The following ELMO1 variants were observed in gnomAD, a reference collection of about 807,000 sequenced individuals.
ELMO1 encodes engulfment and cell motility 1.
In ELMO1, 26 loss-of-function variants were observed where a neutral mutation model predicts 98.9. The observed-to-expected ratio is 0.26, with a 90% CI of 0.19 to 0.36. ELMO1 has a LOEUF of 0.36. ELMO1 is among the 10% of genes least tolerant of loss of function. The pLI is 1.00. For synonymous variants in ELMO1, 346 were observed against 346.0 expected (o/e 1.00, Z 0.00); for missense variants, 627 against 935.2 (o/e 0.67, Z 4.30).
chr7:37,197,826 CCTATAA>C (rs753756347), intron 13 of ELMO1, among the ~76,000 whole-genome samples: 3 of 152,118 alleles, frequency 2.0e-5, no homozygotes, highest in Non-Finnish European at 4.4e-5. Flanking sequence ...GTGCTGGATG[CCTATAA>C]CTACCTTTCC....
chr7:36,920,960 GC>G (rs1271486546), intron 16 of ELMO1, among the ~76,000 whole-genome samples: 3 of 152,164 alleles, frequency 2.0e-5, no homozygotes, highest in African/African-American at 7.2e-5. Context: ...AAGAGGTGGA[GC>G]CTTTGAAGGG....
In ELMO1 at chr7:37,364,526, T is replaced by C. The variant is rs191070536; in HGVS notation, c.-73-21763A>G. Among the ~76,000 whole-genome samples the C allele has an allele frequency of 9.2e-5, 14 of 152,178 alleles. No individual in the cohort carries two copies. The East Asian group carries it at 2.7e-3, about 29-fold the overall frequency. On this transcript the variant is annotated intron_variant, in intron 1 of 21. Coordinates refer to ENST00000310758, the MANE Select transcript of ELMO1 (RefSeq NM_014800.11). ...ACTTGTTTTCAAAACCTTTAACACA[T>C]AGGAAAATAACTTGTAGGTTCTAGA...
rs561074971 is a variant in ELMO1, at chr7:37,014,610, GCTCT to G, written c.1301-1179_1301-1176del. Among the ~76,000 whole-genome samples, 15 of 152,078 alleles carry G rather than the reference GCTCT, an allele frequency of 9.9e-5. 1 individual carries two copies. The East Asian group carries it at 2.9e-3, about 29-fold the overall frequency. ...ACATGCATTAGCTATTTGTCCTAAT[GCTCT>G]CTATCCCCCAGTCCCCCCACTCCCC... On this transcript the variant is annotated intron_variant, in intron 15 of 21. Coordinates refer to ENST00000310758, the MANE Select transcript of ELMO1 (RefSeq NM_014800.11).
intron 13 of ELMO1, among the ~76,000 whole-genome samples, chr7:37,188,301 T>C (rs1791336966): frequency 1.3e-5 from 2 of 151,688 alleles, no homozygotes; most frequent in Admixed American, 6.6e-5. Flanking sequence ...TGATGAGATG[T>C]TTTTGCAGAA....
intron 1 of ELMO1, among the ~76,000 whole-genome samples, chr7:37,352,410 T>C (rs962668278): frequency 1.8e-4 from 27 of 152,228 alleles, no homozygotes; most frequent in Non-Finnish European, 3.8e-4. Context: ...CTCTACGCCG[T>C]TCTTTTCAAA....
chr7:37,076,171 C>T (rs1364115882), intron 15 of ELMO1, among the ~76,000 whole-genome samples: 2 of 152,148 alleles, frequency 1.3e-5, no homozygotes, highest in East Asian at 3.8e-4. Context: ...ATTTCGTTAC[C>T]CCCTGATGAG....
At chr7:37,271,779 CAGAAACGCAGAGCAAAGA>C (rs1334882130) in intron 5 of ELMO1, 35 bp downstream of exon 5, 2 of 1,577,976 alleles carry the variant, frequency 1.3e-6, no homozygotes, top group Admixed American at 3.5e-5. Flanking sequence ...TCACATATAG[CAGAAACGCAGAGCAAAGA>C]GTTTGCTGGA....
intron 4 of ELMO1, among the ~76,000 whole-genome samples, chr7:37,294,999 CA>C (rs58126730): frequency 0.083 from 10,749 of 129,502 alleles, 429 homozygotes; most frequent in South Asian, 0.15. Context: ...AACTCCGCCT[CA>C]AAAAAAAAAA....
intron 21 of ELMO1, among the ~76,000 whole-genome samples, chr7:36,859,995 T>C (rs1802491939): frequency 6.6e-6 from 1 of 152,212 alleles, no homozygotes. Flanking sequence ...ACAATGAGGA[T>C]GAAGACTTTT....
intron 1 of ELMO1, among the ~76,000 whole-genome samples, chr7:37,359,466 T>C (rs1435194601): frequency 6.6e-6 from 1 of 152,202 alleles, no homozygotes; most frequent in Non-Finnish European, 1.5e-5. Context: ...ATGACAGTAA[T>C]AGCCAACACA....
At chr7:37,114,503 G>A (rs1398867767) in intron 14 of ELMO1, among the ~76,000 whole-genome samples, 1 of 152,010 alleles carries the variant, frequency 6.6e-6, no homozygotes, top group Non-Finnish European at 1.5e-5. Flanking sequence ...TTAGTCACTG[G>A]GTTGCCTTAT....
At chr7:37,381,226 G>C (rs17171016) in intron 1 of ELMO1, among the ~76,000 whole-genome samples, 13,699 of 152,226 alleles carry the variant, frequency 0.09, 1,154 homozygotes, top group East Asian at 0.42. Context: ...TTACCCAGCT[G>C]CTGTAGAGTG....
At position 37,157,763 on chromosome 7, in the gene ELMO1, T is replaced by C. The variant is rs374123833; in HGVS notation, c.1087-24529A>G. Among the ~76,000 whole-genome samples the C allele has an allele frequency of 2.3e-3, 357 of 152,050 alleles. 1 individual carries two copies. Among genetic ancestry groups the C allele is most frequent in the East Asian group, 8.1e-3 (42 of 5,162 alleles). On this transcript the variant is annotated intron_variant, in intron 13 of 21. Transcript: ENST00000310758. ...TTTATAGATTCAATGCCATCCCCAT[T>C]AAGCTACCAATGACTTTCTTCACAG... is the stretch of plus-strand genomic sequence containing the variant.
At chr7:37,390,837 C>T (rs1803037586) in intron 1 of ELMO1, among the ~76,000 whole-genome samples, 1 of 152,200 alleles carries the variant, frequency 6.6e-6, no homozygotes, top group Non-Finnish European at 1.5e-5. Flanking sequence ...GATGAGAGGA[C>T]AATCTGGTTA....
At chr7:37,155,487 CAAAAAAAAA>C (rs781745325) in intron 13 of ELMO1, among the ~76,000 whole-genome samples, 1 of 49,680 alleles carries the variant, frequency 2.0e-5, no homozygotes, top group African/African-American at 6.7e-5. Context: ...AAACGGAAAG[CAAAAAAAAA>C]AAAAAAAAAA....
At position 37,003,539 on chromosome 7, in the gene ELMO1, G is replaced by A. The variant is rs545723931; in HGVS notation, c.1437+9760C>T. 1.8e-4 allele frequency among the ~76,000 whole-genome samples: 27 copies of A among 152,302 alleles called. 1 individual carries two copies. The South Asian group carries it at 5.4e-3, about 30-fold the overall frequency. On this transcript the variant is annotated intron_variant, in intron 16 of 21. Transcript: ENST00000310758. ...AGGGTCAGTGTGTGGGTTGAACAAGGAAGATCAGTGTTCAGCTCCTACTTG... is the reference window on the plus strand; with the variant it reads ...AGGGTCAGTGTGTGGGTTGAACAAGAAAGATCAGTGTTCAGCTCCTACTTG...
chr7:37,287,538 A>T (rs889256808), intron 4 of ELMO1, among the ~76,000 whole-genome samples: 2 of 152,248 alleles, frequency 1.3e-5, no homozygotes, highest in East Asian at 1.9e-4. Context: ...AAACAGTAAT[A>T]AATGGATGTA....
chr7:36,985,772 C>T (rs1242297526), intron 16 of ELMO1, among the ~76,000 whole-genome samples: 8 of 152,200 alleles, frequency 5.3e-5, no homozygotes, highest in Admixed American at 5.2e-4. Context: ...CTTTTGAATT[C>T]AGAGTCTCCT....
chr7:37,173,383 C>T (rs1046986016), intron 13 of ELMO1, among the ~76,000 whole-genome samples: 5 of 152,208 alleles, frequency 3.3e-5, no homozygotes, highest in African/African-American at 1.2e-4. Context: ...TCACAGAGAT[C>T]CCCACTGATG....
Sources: gnomAD v4.1 joint callset for allele counts (sites outside exome capture counted in the v4.1 genomes callset) on GRCh38, gnomAD v4.1.1 for gene constraint, MANE v1.5 for transcripts, NCBI Gene and HGNC (gene_info 2026-07-23, HGNC 2026-07-21) for gene names.